Variants in SDK1 observed in about 807,000 individuals in gnomAD.
The protein encoded by SDK1 is protein sidekick-1.
In SDK1, 157 loss-of-function variants were observed where a neutral mutation model predicts 245.5. That is an observed-to-expected ratio of 0.64 (90% CI 0.56 to 0.73). SDK1 has a LOEUF of 0.73. Ranked by LOEUF, SDK1 falls within the 30% of genes least tolerant of loss-of-function variation. The probability of loss-of-function intolerance (pLI) is 0.00; values close to 1 mark genes in which losing one functional copy is unlikely to be tolerated. For synonymous variants in SDK1, 1,647 were observed against 1,278.5 expected (o/e 1.29, Z -6.15); for missense variants, 3,583 against 3,002.3 (o/e 1.19, Z -4.52).
chr7:3,516,328 A>C (rs948864786), intron 1 of SDK1, among the ~76,000 whole-genome samples: 4 of 152,034 alleles, frequency 2.6e-5, no homozygotes, highest in African/African-American at 9.7e-5. Context: ...ATACACAGAC[A>C]AACCCCAGGA....
rs761870712 is a variant in SDK1, at chr7:4,049,371, G to A, written c.2626G>A (p.Val876Met). Reference sequence around the variant, plus strand: ...AGTGCCCACCGCGCCCCCGCAGAACGTGCAGACGGAAGCCGTGAACTCCAC... The same window carrying A: ...AGTGCCCACCGCGCCCCCGCAGAACATGCAGACGGAAGCCGTGAACTCCAC... ...QGVPTAPPQN[V>M]QTEAVNSTTI... Residue 876 changes from valine (V) to methionine (M), a missense_variant, in exon 18 of 45, where the codon GTG (valine) becomes ATG (methionine). Transcript: ENST00000404826. 18 of 1,613,966 alleles carry A rather than the reference G, an allele frequency of 1.1e-5. No homozygotes were observed. Among genetic ancestry groups the A allele is most frequent in the East Asian group, 2.2e-5 (1 of 44,892 alleles).
At chr7:3,365,091 A>G (rs949752358) in intron 1 of SDK1, among the ~76,000 whole-genome samples, 1 of 152,166 alleles carries the variant, frequency 6.6e-6, no homozygotes, top group Admixed American at 6.5e-5. Context: ...AGGAGTTTTT[A>G]TCTTATATCC....
At chr7:3,447,513 C>G (rs1224985805) in intron 1 of SDK1, among the ~76,000 whole-genome samples, 1 of 152,028 alleles carries the variant, frequency 6.6e-6, no homozygotes, top group African/African-American at 2.4e-5. Flanking sequence ...GCCCCCCACC[C>G]CATTCTTCTA....
At chr7:3,568,641 C>T (rs898434975) in intron 1 of SDK1, among the ~76,000 whole-genome samples, 1 of 152,212 alleles carries the variant, frequency 6.6e-6, no homozygotes, top group African/African-American at 2.4e-5. Flanking sequence ...TCACCAGCCA[C>T]CCATGTTAAA....
At chr7:3,961,943 G>A (rs181001818) in intron 8 of SDK1, among the ~76,000 whole-genome samples, 14 of 151,022 alleles carry the variant, frequency 9.3e-5, no homozygotes, top group East Asian at 7.7e-4. Context: ...ATACACACAC[G>A]CACATGTATA....
chr7:3,748,015 A>G (rs945168292), intron 4 of SDK1, among the ~76,000 whole-genome samples: 1 of 152,214 alleles, frequency 6.6e-6, no homozygotes, highest in Non-Finnish European at 1.5e-5. Flanking sequence ...GAATATTAGT[A>G]TATATTTGAT....
At chr7:3,719,295 C>G (rs191838866) in intron 4 of SDK1, among the ~76,000 whole-genome samples, 1 of 142,696 alleles carries the variant, frequency 7.0e-6, no homozygotes, top group African/African-American at 2.6e-5. Flanking sequence ...CAGTCTCATT[C>G]TGAAATGTAG....
chr7:4,266,012 T>C lies in SDK1; in HGVS notation c.*628T>C. On this transcript the variant is annotated 3_prime_UTR_variant, in exon 45 of 45. Coordinates refer to ENST00000404826, the MANE Select transcript of SDK1 (RefSeq NM_152744.4). ...CCAGGCAGGGATGCTAAGGTGTGGCTCAGCCGTCACTGTCTGTGTCACTGC... is the reference window on the plus strand; with the variant it reads ...CCAGGCAGGGATGCTAAGGTGTGGCCCAGCCGTCACTGTCTGTGTCACTGC... 1 of 985,544 alleles carries C rather than the reference T, an allele frequency of 1.0e-6. No individual in the cohort carries two copies. The allele number at this position is 985,544 out of a possible 1,614,324, so 61.0% of individuals were successfully genotyped here. A position where few individuals can be genotyped will look rare whatever the true frequency, so the allele number is the denominator to read the frequency against.
chr7:3,393,972 C>A (rs555163911), intron 1 of SDK1, among the ~76,000 whole-genome samples: 1 of 152,042 alleles, frequency 6.6e-6, no homozygotes, highest in African/African-American at 2.4e-5. Context: ...CTTATTTGTA[C>A]CCATCCTTCT....
At chr7:3,377,965 A>C (rs1781395592) in intron 1 of SDK1, among the ~76,000 whole-genome samples, 1 of 151,906 alleles carries the variant, frequency 6.6e-6, no homozygotes, top group Admixed American at 6.6e-5. Context: ...TTTAGTAAAG[A>C]TGGGGGTTTC....
At chr7:3,485,593 C>T (rs1753715287) in intron 1 of SDK1, among the ~76,000 whole-genome samples, 2 of 150,046 alleles carry the variant, frequency 1.3e-5, no homozygotes, top group Admixed American at 6.8e-5. Flanking sequence ...CCTGTCATCT[C>T]CCATCTGATT....
chr7:3,986,730 A>G (rs747472938), intron 13 of SDK1, among the ~76,000 whole-genome samples: 44 of 152,140 alleles, frequency 2.9e-4, no homozygotes, highest in Non-Finnish European at 2.9e-4. Flanking sequence ...GCATGGTGGC[A>G]GGCGCCTATA....
chr7:4,106,338 C>T (rs1221664538), intron 22 of SDK1, among the ~76,000 whole-genome samples: 2 of 148,458 alleles, frequency 1.3e-5, no homozygotes, highest in East Asian at 2.0e-4. Context: ...GAGCCTCATT[C>T]TGTCACCCAG....
At chr7:3,872,475 A>G (rs1395752610) in intron 5 of SDK1, among the ~76,000 whole-genome samples, 3 of 151,180 alleles carry the variant, frequency 2.0e-5, no homozygotes, top group African/African-American at 7.3e-5. Flanking sequence ...AAGACTATTC[A>G]GGTTGTTTTT....
intron 1 of SDK1, among the ~76,000 whole-genome samples, chr7:3,611,415 C>T (rs764325922): frequency 8.5e-5 from 13 of 152,276 alleles, no homozygotes; most frequent in South Asian, 4.1e-4. Flanking sequence ...AATAACCAAA[C>T]GACTTACTTG....
intron 22 of SDK1, among the ~76,000 whole-genome samples, chr7:4,085,980 C>G (rs910867647): frequency 6.6e-6 from 1 of 152,228 alleles, no homozygotes; most frequent in Admixed American, 6.5e-5. Context: ...GTTCATTTGT[C>G]TCCTTACCCT....
intron 1 of SDK1, among the ~76,000 whole-genome samples, chr7:3,551,714 C>T (rs1779420142): frequency 6.6e-6 from 1 of 152,134 alleles, no homozygotes; most frequent in Non-Finnish European, 1.5e-5. Context: ...CTCAGTGTGT[C>T]ACCCAGGCTG....
intron 1 of SDK1, among the ~76,000 whole-genome samples, chr7:3,519,092 G>A (rs1184213261): frequency 6.6e-6 from 1 of 152,050 alleles, no homozygotes; most frequent in Non-Finnish European, 1.5e-5. Context: ...AAGCTAAAAA[G>A]AAGTTGATTT....
intron 5 of SDK1, among the ~76,000 whole-genome samples, chr7:3,909,577 C>T (rs1779083269): frequency 6.6e-6 from 1 of 152,238 alleles, no homozygotes; most frequent in Non-Finnish European, 1.5e-5. Context: ...TTAGTGACCC[C>T]ACCACACCCA....
Sources: gnomAD v4.1 joint callset for allele counts (sites outside exome capture counted in the v4.1 genomes callset) on GRCh38, gnomAD v4.1.1 for gene constraint, MANE v1.5 for transcripts, NCBI Gene and HGNC (gene_info 2026-07-23, HGNC 2026-07-21) for gene names.